Variants in AFTPH observed in about 807,000 individuals in gnomAD.
AFTPH encodes the protein aftiphilin.
Under a neutral mutation model 72.5 loss-of-function variants are expected in AFTPH, and 7 were observed. The ratio of observed to expected loss-of-function variants is 0.10; its 90% CI spans 0.05 to 0.18. AFTPH has a LOEUF of 0.18. Among genes scored for constraint, AFTPH ranks in the 10% least tolerant of loss-of-function variants. The pLI, the probability that AFTPH is intolerant of heterozygous loss-of-function variation, is 1.00. For missense variants in AFTPH, 979 were observed against 1,060.5 expected (o/e 0.92, Z 1.07); for synonymous variants, 337 against 370.1 (o/e 0.91, Z 1.03).
intron 1 of AFTPH, among the ~76,000 whole-genome samples, chr2:64,536,672 G>C (rs1669908505): frequency 6.6e-6 from 1 of 151,636 alleles, no homozygotes. Flanking sequence ...AGAATTGCCA[G>C]CAGGGCGTGG....
At chr2:64,585,863 T>G (rs1341994024) in intron 8 of AFTPH, among the ~76,000 whole-genome samples, 1 of 144,360 alleles carries the variant, frequency 6.9e-6, no homozygotes, top group Non-Finnish European at 1.5e-5. Flanking sequence ...AGAAACACTC[T>G]CCCTTTCTCT....
chr2:64,553,024 C>A, exon 2 of AFTPH: 1 of 1,614,122 alleles, frequency 6.2e-7, no homozygotes, highest in South Asian at 1.1e-5. Context: ...GCAAGAAAAT[C>A]TAGTGGAACA....
chr2:64,573,117 A>G, intron 6 of AFTPH, 49 bp downstream of exon 6: 1 of 1,374,592 alleles, frequency 7.3e-7, no homozygotes, highest in Non-Finnish European at 1.0e-6. Context: ...GTATATACAC[A>G]TATATCCACA....
rs78938309 is a variant in AFTPH at position 64,561,223 on chromosome 2, G to A, written c.1936-6339G>A. Among the ~76,000 whole-genome samples the A allele has an allele frequency of 7.5e-4, 114 of 152,328 alleles. No homozygotes were observed. The East Asian group carries it at 0.019, about 25-fold the overall frequency. On this transcript the variant is annotated intron_variant, in intron 2 of 8. Transcript: ENST00000238856. ...AAAATGTTTAATAGCCAGATGTGCT[G>A]TTTGCCAGGCTTAGAAGTTGGTACT...
intron 8 of AFTPH, among the ~76,000 whole-genome samples, chr2:64,585,925 G>A (rs1418786052): frequency 6.6e-6 from 1 of 152,112 alleles, no homozygotes; most frequent in Non-Finnish European, 1.5e-5. Flanking sequence ...TAATCCTGGA[G>A]TCACCTAGGC....
chr2:64,580,989 A>AT (rs1459093854), intron 7 of AFTPH: 1 of 395,346 alleles, frequency 2.5e-6, no homozygotes, highest in Non-Finnish European at 4.6e-6. Flanking sequence ...ATTGAATTAA[A>AT]TTGTTATTTT....
At position 64,525,959 on chromosome 2, in the gene AFTPH, T is replaced by C. The variant is rs61340128; in HGVS notation, c.-33+1347T>C. Among the ~76,000 whole-genome samples, 1,133 of 152,336 alleles carry C rather than the reference T, an allele frequency of 7.4e-3. 9 individuals carry two copies. Among genetic ancestry groups the C allele is most frequent in the African/African-American group, 0.025 (1,050 of 41,566 alleles). On this transcript the variant is annotated intron_variant, in intron 1 of 8. Transcript: ENST00000238856. ...AGCAGATATTCATTAGCTCTAGTTG[T>C]TCCTCCGTGGATTAAATTAGATATA...
At chr2:64,551,798 T>A in exon 2 of AFTPH, 1 of 1,613,554 alleles carries the variant, frequency 6.2e-7, no homozygotes. Flanking sequence ...ATGTTTTACT[T>A]TCTACCACCA....
At chr2:64,591,805 T>C in intron 8 of AFTPH, 83 bp from the exon 10 acceptor site, 2 of 1,455,214 alleles carry the variant, frequency 1.4e-6, no homozygotes, top group Non-Finnish European at 1.9e-6. Context: ...TTGCTAACTG[T>C]CTACCTTGAG....
At chr2:64,550,732 A>ACACAC (rs1558605124) in intron 1 of AFTPH, among the ~76,000 whole-genome samples, 2 of 106,782 alleles carry the variant, frequency 1.9e-5, no homozygotes, top group African/African-American at 6.2e-5. Context: ...CACACACACA[A>ACACAC]CTGGTGAAAT....
chr2:64,560,638 C>T (rs891655114), intron 2 of AFTPH, among the ~76,000 whole-genome samples: 1 of 152,070 alleles, frequency 6.6e-6, no homozygotes, highest in Non-Finnish European at 1.5e-5. Flanking sequence ...TTTGGGAGGC[C>T]AAGGCGGATG....
intron 6 of AFTPH, chr2:64,579,001 T>C (rs1193320790): frequency 6.5e-6 from 1 of 152,690 alleles, no homozygotes; most frequent in Non-Finnish European, 1.5e-5. Flanking sequence ...AATAAGTAAT[T>C]TCTAAATGAA....
At chr2:64,525,129 A>G (rs1419177799) in intron 1 of AFTPH, among the ~76,000 whole-genome samples, 1 of 152,230 alleles carries the variant, frequency 6.6e-6, no homozygotes, top group Admixed American at 6.5e-5. Context: ...TCCAACAGGC[A>G]GAGGGGACAG....
chr2:64,590,466 C>T (rs1292819733), intron 8 of AFTPH, among the ~76,000 whole-genome samples: 1 of 152,166 alleles, frequency 6.6e-6, no homozygotes, highest in East Asian at 1.9e-4. Flanking sequence ...CTGAGATTGA[C>T]GATTGGTGAG....
chr2:64,591,948 T>G (rs1673853066), exon 9 of AFTPH: 1 of 1,613,958 alleles, frequency 6.2e-7, no homozygotes, highest in African/African-American at 1.3e-5. Context: ...CTGGCCTTCC[T>G]GACTTAACAT....
intron 8 of AFTPH, among the ~76,000 whole-genome samples, chr2:64,589,955 GGGGGGT>G (rs1673725647): frequency 1.4e-5 from 2 of 147,648 alleles, no homozygotes; most frequent in South Asian, 2.3e-4. Context: ...GGGGGGGGGG[GGGGGGT>G]TTCCACCAAA....
chr2:64,552,355 A>G, exon 2 of AFTPH: 1 of 1,614,100 alleles, frequency 6.2e-7, no homozygotes, highest in South Asian at 1.1e-5. Flanking sequence ...ACTGATGGAG[A>G]GGATCAGGTT....
At chr2:64,571,048 A>T (rs1041975151) in intron 5 of AFTPH, among the ~76,000 whole-genome samples, 1 of 150,832 alleles carries the variant, frequency 6.6e-6, no homozygotes, top group Non-Finnish European at 1.5e-5. Context: ...CATCTTTGTG[A>T]TATCTTTCAT....
chr2:64,592,718 A>G (rs1673897298), exon 9 of AFTPH: 1 of 152,632 alleles, frequency 6.6e-6, no homozygotes, highest in African/African-American at 2.4e-5. Flanking sequence ...AAATTATATG[A>G]ATGTCTTACA....
Sources: allele counts gnomAD v4.1 joint callset (sites outside exome capture counted in the v4.1 genomes callset), GRCh38; gene constraint gnomAD v4.1.1; transcripts MANE v1.5; gene names NCBI Gene and HGNC (gene_info 2026-07-23, HGNC 2026-07-21).